The following OLFM3 variants were observed in gnomAD, a reference collection of about 807,000 sequenced individuals.
The protein encoded by OLFM3 is noelin-3.
In OLFM3, 20 loss-of-function variants were observed where a neutral mutation model predicts 48.6. That is an observed-to-expected ratio of 0.41 (90% CI 0.29 to 0.60). The LOEUF is 0.60. Ranked by LOEUF, OLFM3 falls within the 20% of genes least tolerant of loss-of-function variation. The pLI, the probability that OLFM3 is intolerant of heterozygous loss-of-function variation, is 0.28. For synonymous variants in OLFM3, 222 were observed against 198.1 expected (o/e 1.12, Z -1.01); for missense variants, 437 against 544.3 (o/e 0.80, Z 1.96).
intron 1 of OLFM3, among the ~76,000 whole-genome samples, chr1:101,886,096 G>T (rs1028907028): frequency 1.3e-5 from 2 of 152,022 alleles, no homozygotes; most frequent in Non-Finnish European, 2.9e-5. Flanking sequence ...TGGAATATGG[G>T]CAAGAGGGAG....
At chr1:101,824,170 T>G (rs918862097) in intron 4 of OLFM3, among the ~76,000 whole-genome samples, 1 of 152,076 alleles carries the variant, frequency 6.6e-6, no homozygotes, top group East Asian at 1.9e-4. Flanking sequence ...AAAGAATTTA[T>G]TTATCTTGAG....
intron 1 of OLFM3, among the ~76,000 whole-genome samples, chr1:101,847,694 T>C (rs1368657928): frequency 6.6e-6 from 1 of 152,174 alleles, no homozygotes; most frequent in Non-Finnish European, 1.5e-5. Context: ...TTACAGAAAT[T>C]TTATATGTGT....
rs529502358 is a variant in OLFM3 at position 101,954,279 on chromosome 1, T to C, written c.69+42469A>G. Among the ~76,000 whole-genome samples the C allele has an allele frequency of 2.7e-3, 405 of 152,220 alleles. 3 individuals carry two copies. The highest frequency in any genetic ancestry group is 9.4e-3 in the African/African-American group (389 of 41,576). Reference sequence around the variant, plus strand: ...ATGTCACAGAATGAAATAAATTAACTTGTTAACTTTCATTGTAAAAGGATT... The same window carrying C: ...ATGTCACAGAATGAAATAAATTAACCTGTTAACTTTCATTGTAAAAGGATT... On this transcript the variant is annotated intron_variant, in intron 1 of 5. Coordinates refer to ENST00000370103, the MANE Select transcript of OLFM3 (RefSeq NM_058170.4).
At chr1:101,968,975 T>C (rs545467766) in intron 1 of OLFM3, among the ~76,000 whole-genome samples, 2 of 152,352 alleles carry the variant, frequency 1.3e-5, no homozygotes, top group East Asian at 3.9e-4. Flanking sequence ...TTCCTGCCTT[T>C]TTCTTCCTTC....
At chr1:101,934,865 A>G (rs1281002374) in intron 1 of OLFM3, among the ~76,000 whole-genome samples, 1 of 152,174 alleles carries the variant, frequency 6.6e-6, no homozygotes, top group Non-Finnish European at 1.5e-5. Context: ...TACCCGAATG[A>G]CTTTGGGGTA....
intron 1 of OLFM3, among the ~76,000 whole-genome samples, chr1:101,918,613 T>G (rs1464331629): frequency 6.7e-6 from 1 of 150,330 alleles, no homozygotes; most frequent in Non-Finnish European, 1.5e-5. Context: ...TTAATCCCAC[T>G]CAAATAATGC....
chr1:101,949,419 T>C (rs1660053266), intron 1 of OLFM3, among the ~76,000 whole-genome samples: 2 of 152,344 alleles, frequency 1.3e-5, no homozygotes, highest in South Asian at 2.1e-4. Context: ...AATTGTCTCA[T>C]ATACCTTATC....
At chr1:101,807,271 A>C (rs1398168997) in intron 4 of OLFM3, among the ~76,000 whole-genome samples, 1 of 151,918 alleles carries the variant, frequency 6.6e-6, no homozygotes, top group Non-Finnish European at 1.5e-5. Context: ...ACACATTGTG[A>C]AAGGCAATAT....
intron 1 of OLFM3, among the ~76,000 whole-genome samples, chr1:101,887,756 T>G (rs560640483): frequency 6.6e-6 from 1 of 151,912 alleles, no homozygotes; most frequent in Non-Finnish European, 1.5e-5. Context: ...TCTTTGTGTA[T>G]AAGTAATATA....
At chr1:101,996,552 T>C (rs564169027) in intron 1 of OLFM3, among the ~76,000 whole-genome samples, 196 bp downstream of exon 1, 1 of 152,272 alleles carries the variant, frequency 6.6e-6, no homozygotes, top group South Asian at 2.1e-4. Context: ...CCCCGCGCAG[T>C]AGGACTCTAC....
At chr1:101,939,174 A>G (rs957948826) in intron 1 of OLFM3, among the ~76,000 whole-genome samples, 2 of 152,186 alleles carry the variant, frequency 1.3e-5, no homozygotes, top group African/African-American at 4.8e-5. Context: ...AAAGATTGTA[A>G]CTCATATACT....
At chr1:101,959,101 A>G (rs1337060917) in intron 1 of OLFM3, among the ~76,000 whole-genome samples, 1 of 151,946 alleles carries the variant, frequency 6.6e-6, no homozygotes, top group South Asian at 2.1e-4. Flanking sequence ...TTTAGATAAA[A>G]TAGTTACAAA....
At chr1:101,868,357 C>T (rs2100972602) in intron 1 of OLFM3, among the ~76,000 whole-genome samples, 1 of 152,216 alleles carries the variant, frequency 6.6e-6, no homozygotes, top group South Asian at 2.1e-4. Context: ...CAATGAAGTC[C>T]AGGCTGAGGT....
intron 2 of OLFM3, among the ~76,000 whole-genome samples, chr1:101,832,148 C>T (rs1274191128): frequency 6.6e-6 from 1 of 152,176 alleles, no homozygotes; most frequent in Non-Finnish European, 1.5e-5. Context: ...CTTGACCTCC[C>T]AAAGTGCTGG....
At chr1:101,986,744 T>C (rs927833078) in intron 1 of OLFM3, among the ~76,000 whole-genome samples, 2 of 152,074 alleles carry the variant, frequency 1.3e-5, no homozygotes, top group Non-Finnish European at 2.9e-5. Context: ...CTTTCTTCTA[T>C]TTATTCTTTC....
Position 101,877,499 on chromosome 1 carries a change from A to G in OLFM3, c.70-40474T>C, listed in dbSNP as rs183030567. Among the ~76,000 whole-genome samples the G allele has an allele frequency of 9.9e-5, 15 of 152,098 alleles. No homozygotes were observed. The East Asian group carries it at 1.9e-3, about 20-fold the overall frequency. ...TTTTTCAATGAGCTATATTTCCAAAACAACACTATTACATAAAATAAACAG... is the reference window on the plus strand; with the variant it reads ...TTTTTCAATGAGCTATATTTCCAAAGCAACACTATTACATAAAATAAACAG... On this transcript the variant is annotated intron_variant, in intron 1 of 5. Coordinates refer to ENST00000370103, the MANE Select transcript of OLFM3 (RefSeq NM_058170.4).
At chr1:101,895,970 GTAATAATAATAATAA>G (rs71720190) in intron 1 of OLFM3, among the ~76,000 whole-genome samples, 53 of 145,050 alleles carry the variant, frequency 3.7e-4, no homozygotes, top group Non-Finnish European at 4.9e-4. Flanking sequence ...TAAAACATAG[GTAATAATAATAATAA>G]TAATAATAAT....
At position 101,804,258 on chromosome 1, in the gene OLFM3, T is replaced by C; in HGVS notation, c.1357A>G (p.Lys453Glu). Reference sequence around the variant, plus strand: ...TTTGCCTATGTGTCATCCTCTGTCTTGATGATATGGAAAAGGGTGACATTG... The same window carrying C: ...TTTGCCTATGTGTCATCCTCTGTCTCGATGATATGGAAAAGGGTGACATTG... ...LFNVTLFHII[K>E]TEDDT The change falls in exon 6 of 6, where the codon AAG becomes GAG. Residue 453 changes from lysine (K) to glutamate (E), a missense_variant. Lys to Glu is a moderately conservative substitution (Grantham distance 56, BLOSUM62 1). Transcript: ENST00000370103. This position sits in a 1 kb window ranked among gnomAD's most constrained non-coding sequence, Gnocchi z 4.5. 6.3e-7 allele frequency: 1 copy of C among 1,599,642 alleles called. No individual in the cohort carries two copies. Among genetic ancestry groups the C allele is most frequent in the Non-Finnish European group, 8.5e-7 (1 of 1,173,052 alleles).
intron 1 of OLFM3, among the ~76,000 whole-genome samples, chr1:101,842,272 G>A (rs1655759910): frequency 6.6e-6 from 1 of 152,136 alleles, no homozygotes; most frequent in African/African-American, 2.4e-5. Context: ...AGTGGCTCAG[G>A]TCTATAATCC....
Sources: gnomAD v4.1 joint callset for allele counts (sites outside exome capture counted in the v4.1 genomes callset) on GRCh38, gnomAD v4.1.1 for gene constraint, Gnocchi (gnomAD v3.1) non-coding constraint, MANE v1.5 for transcripts, NCBI Gene and HGNC (gene_info 2026-07-23, HGNC 2026-07-21) for gene names.